SNX29: variants seen among roughly 807,000 people sequenced by gnomAD.
The protein encoded by SNX29 is sorting nexin-29.
Under a neutral mutation model 102.1 loss-of-function variants are expected in SNX29, and 78 were observed. That is an observed-to-expected ratio of 0.76 (90% confidence interval 0.64 to 0.92). SNX29 has a LOEUF of 0.92. Among genes scored for constraint, SNX29 ranks in the 40% least tolerant of loss-of-function variants. The pLI is 0.00. For missense variants in SNX29, 1,280 were observed against 1,061.7 expected (o/e 1.21, Z -2.86); for synonymous variants, 580 against 414.5 (o/e 1.40, Z -4.85).
At chr16:12,345,235 G>A (rs892739645) in intron 15 of SNX29, among the ~76,000 whole-genome samples, 36 of 152,162 alleles carry the variant, frequency 2.4e-4, no homozygotes, top group African/African-American at 8.2e-4. Context: ...CCTTCTTCTG[G>A]GGGAGCCTCA....
At chr16:12,398,336 G>T in intron 16 of SNX29, 110 bp from the exon 17 acceptor site, 2 of 1,208,752 alleles carry the variant, frequency 1.7e-6, no homozygotes, top group African/African-American at 1.5e-5. Flanking sequence ...ACTTCATTCT[G>T]AATAGGAAAT....
intron 11 of SNX29, among the ~76,000 whole-genome samples, chr16:12,120,285 C>T (rs2053917995): frequency 6.6e-6 from 1 of 152,176 alleles, no homozygotes; most frequent in African/African-American, 2.4e-5. Flanking sequence ...CTCATGAGCT[C>T]TGTCTTTAAA....
chr16:12,007,128 G>A (rs2056481825), intron 3 of SNX29, among the ~76,000 whole-genome samples: 1 of 152,152 alleles, frequency 6.6e-6, no homozygotes, highest in Non-Finnish European at 1.5e-5. Flanking sequence ...CAGAGACCTG[G>A]TCTTACCTTT....
chr16:11,993,225 T>C (rs2055922643), intron 1 of SNX29, among the ~76,000 whole-genome samples: 1 of 152,040 alleles, frequency 6.6e-6, no homozygotes, highest in Non-Finnish European at 1.5e-5. Flanking sequence ...TTAAGGGGCT[T>C]GACCTCTGTG....
intron 18 of SNX29, among the ~76,000 whole-genome samples, chr16:12,456,265 TAA>T (rs2086533122): frequency 6.6e-6 from 1 of 152,196 alleles, no homozygotes; most frequent in South Asian, 2.1e-4. Context: ...CATCAATAAA[TAA>T]AGTCTTGATA....
chr16:12,426,612 T>A (rs1465794430), intron 18 of SNX29, among the ~76,000 whole-genome samples: 5 of 152,252 alleles, frequency 3.3e-5, no homozygotes, highest in African/African-American at 1.2e-4. Flanking sequence ...ATCTAATTTT[T>A]AAAATTCTTT....
chr16:12,213,924 T>C (rs2077253879), intron 14 of SNX29, among the ~76,000 whole-genome samples: 1 of 152,140 alleles, frequency 6.6e-6, no homozygotes, highest in South Asian at 2.1e-4. Flanking sequence ...TCTGGTGGCC[T>C]TGTGGGAGGA....
At chr16:12,265,970 C>A (rs887723525) in intron 14 of SNX29, among the ~76,000 whole-genome samples, 4 of 152,104 alleles carry the variant, frequency 2.6e-5, no homozygotes, top group Non-Finnish European at 5.9e-5. Flanking sequence ...TTAATTCTCA[C>A]AAGAGTTACC....
At chr16:12,568,293 C>T (rs562332551) in intron 20 of SNX29, among the ~76,000 whole-genome samples, 139 of 92,334 alleles carry the variant, frequency 1.5e-3, no homozygotes, top group Admixed American at 2.8e-3. Context: ...GTTGGAGCCT[C>T]GGAGTGCTGT....
At chr16:12,018,262 G>T (rs1219622071) in intron 3 of SNX29, among the ~76,000 whole-genome samples, 1 of 152,012 alleles carries the variant, frequency 6.6e-6, no homozygotes, top group East Asian at 1.9e-4. Context: ...TTCATATAGG[G>T]CTTGCCTATT....
chr16:12,002,807 G>A (rs916280700), intron 2 of SNX29, among the ~76,000 whole-genome samples, 184 bp from the exon 3 acceptor site: 1 of 152,168 alleles, frequency 6.6e-6, no homozygotes, highest in Admixed American at 6.6e-5. Context: ...CAGCTTCAAG[G>A]CTGGGGTGCG....
intron 12 of SNX29, among the ~76,000 whole-genome samples, chr16:12,127,939 G>A (rs2054289194): frequency 6.6e-6 from 1 of 152,062 alleles, no homozygotes; most frequent in Non-Finnish European, 1.5e-5. Context: ...TGCCTCCCTG[G>A]GACGTGGGGA....
At chr16:12,264,464 C>G (rs2078867697) in intron 14 of SNX29, among the ~76,000 whole-genome samples, 1 of 152,236 alleles carries the variant, frequency 6.6e-6, no homozygotes, top group South Asian at 2.1e-4. Flanking sequence ...GCAGAAGTCA[C>G]ATGTGCTTAT....
intron 13 of SNX29, among the ~76,000 whole-genome samples, chr16:12,144,788 C>T (rs1190604814): frequency 6.6e-6 from 1 of 152,244 alleles, no homozygotes; most frequent in Non-Finnish European, 1.5e-5. Flanking sequence ...ATGGCGCGAT[C>T]TCTGCTCGCT....
chr16:12,431,953 G>C (rs1174841854), intron 18 of SNX29, among the ~76,000 whole-genome samples: 2 of 152,208 alleles, frequency 1.3e-5, no homozygotes, highest in Admixed American at 6.5e-5. Flanking sequence ...GGCCTCTTCT[G>C]TGCCCTGGGG....
chr16:12,461,743 G>T (rs1045946524), intron 18 of SNX29, among the ~76,000 whole-genome samples: 5 of 151,464 alleles, frequency 3.3e-5, no homozygotes, highest in Admixed American at 6.6e-5. Context: ...GATCACTTGA[G>T]GTCGGAAGTT....
Position 12,060,552 on chromosome 16 carries a change from A to G in SNX29, c.1125-976A>G, listed in dbSNP as rs113345309. Among the ~76,000 whole-genome samples the G allele has an allele frequency of 8.0e-3, 1,226 of 152,352 alleles. 8 individuals are homozygous for G. Among genetic ancestry groups the G allele is most frequent in the Non-Finnish European group, 0.014 (951 of 68,030 alleles). ...CAAGAGCTCAAGGTTGCAGTGAACT[A>G]TGATTGTGCCACTGTACTCCAGTGT... is the stretch of plus-strand genomic sequence containing the variant. On this transcript the variant is annotated intron_variant, in intron 8 of 20. Transcript: ENST00000566228.
chr16:12,305,429 G>A (rs1422422163), intron 15 of SNX29, among the ~76,000 whole-genome samples: 2 of 152,222 alleles, frequency 1.3e-5, no homozygotes, highest in Non-Finnish European at 2.9e-5. Flanking sequence ...AGGCATTTTA[G>A]CTGCCAGTGA....
At position 12,038,238 on chromosome 16, in the gene SNX29, A is replaced by G. The variant is rs149316758; in HGVS notation, c.248-4659A>G. 3.6e-3 allele frequency among the ~76,000 whole-genome samples: 551 copies of G among 152,334 alleles called. 3 individuals carry two copies. The highest frequency in any genetic ancestry group is 0.01 in the Middle Eastern group (3 of 294). On this transcript the variant is annotated intron_variant, in intron 4 of 20. Transcript: ENST00000566228. ...ACAGATGAAGAAAGTAGAGGACAAAATAAGTTTCCCAAGGTCACACAGTGC... is the reference window on the plus strand; with the variant it reads ...ACAGATGAAGAAAGTAGAGGACAAAGTAAGTTTCCCAAGGTCACACAGTGC...
Sources: gnomAD v4.1 joint callset for allele counts (sites outside exome capture counted in the v4.1 genomes callset) on GRCh38, gnomAD v4.1.1 for gene constraint, MANE v1.5 for transcripts, NCBI Gene and HGNC (gene_info 2026-07-23, HGNC 2026-07-21) for gene names.